The following PTPRF variants were observed in gnomAD, a reference collection of about 807,000 sequenced individuals.
PTPRF encodes the protein protein tyrosine phosphatase receptor type F.
In PTPRF, 59 loss-of-function variants were observed where a neutral mutation model predicts 201.8. The observed-to-expected ratio is 0.29, with a 90% CI of 0.24 to 0.36. PTPRF has a LOEUF of 0.36. Among genes scored for constraint, PTPRF ranks in the 10% least tolerant of loss-of-function variants. The probability of loss-of-function intolerance (pLI) is 1.00; values close to 1 mark genes in which losing one functional copy is unlikely to be tolerated. For synonymous variants in PTPRF, 1,088 were observed against 1,089.7 expected, an observed-to-expected ratio of 1.00 and a Z score of 0.03; for missense variants, 2,132 against 2,690.5, an observed-to-expected ratio of 0.79 and a Z score of 4.59.
rs755497552 is a variant in PTPRF at position 43,605,176 on chromosome 1, C to T, written c.3136-14C>T. On this transcript the variant is annotated splice_polypyrimidine_tract_variant and intron_variant, in intron 17 of 33. Transcript: ENST00000359947. ...TCACCCAAAGGCATTGATTGCCCCTCCCGTCCCCCACAGATTCTGTACAAT... is the reference window on the plus strand; with the variant it reads ...TCACCCAAAGGCATTGATTGCCCCTTCCGTCCCCCACAGATTCTGTACAAT... 2 of 1,586,126 alleles carry T rather than the reference C, an allele frequency of 1.3e-6. No homozygotes were observed. Among genetic ancestry groups the T allele is most frequent in the Admixed American group, 3.4e-5 (2 of 59,182 alleles).
intron 6 of PTPRF, among the ~76,000 whole-genome samples, chr1:43,572,763 C>G (rs1363721090): frequency 6.6e-6 from 1 of 152,176 alleles, no homozygotes; most frequent in African/African-American, 2.4e-5. Context: ...TGAAGTAGGA[C>G]AGGCTGTGAT....
At chr1:43,606,545 A>G (rs929015954) in intron 20 of PTPRF, 87 bp downstream of exon 20, 2 of 1,319,574 alleles carry the variant, frequency 1.5e-6, no homozygotes, top group Non-Finnish European at 2.1e-6. Flanking sequence ...ACAAGACCCC[A>G]GGTCTTTATC....
chr1:43,597,570 G>A (rs1652656493), intron 11 of PTPRF, among the ~76,000 whole-genome samples, 178 bp from the exon 12 acceptor site: 1 of 152,122 alleles, frequency 6.6e-6, no homozygotes, highest in South Asian at 2.1e-4. Flanking sequence ...CAGGTCAGAG[G>A]GAGTCAGGTG....
At chr1:43,558,910 G>A (rs985945868) in intron 5 of PTPRF, among the ~76,000 whole-genome samples, 1 of 152,206 alleles carries the variant, frequency 6.6e-6, no homozygotes, top group African/African-American at 2.4e-5. Context: ...AAGCCCAGGA[G>A]GCCGCCAGAC....
intron 21 of PTPRF, among the ~76,000 whole-genome samples, chr1:43,609,118 C>T (rs988015107): frequency 6.6e-6 from 1 of 152,170 alleles, no homozygotes; most frequent in Non-Finnish European, 1.5e-5. Flanking sequence ...AGGAGCTGCT[C>T]GCCCCTGCAA....
At chr1:43,610,238 G>T (rs573115823) in intron 22 of PTPRF, among the ~76,000 whole-genome samples, 8 of 152,292 alleles carry the variant, frequency 5.3e-5, no homozygotes, top group African/African-American at 1.7e-4. Flanking sequence ...TGTATTCAGC[G>T]CACGATGGGT....
intron 23 of PTPRF, 50 bp downstream of exon 23, chr1:43,613,765 C>T (rs1390815549): frequency 6.7e-7 from 1 of 1,496,894 alleles, no homozygotes; most frequent in Admixed American, 1.7e-5. Context: ...CCTACCCAAA[C>T]CAGCTCCTGT....
intron 3 of PTPRF, among the ~76,000 whole-genome samples, chr1:43,552,551 G>C (rs1316198686): frequency 6.6e-6 from 1 of 152,218 alleles, no homozygotes; most frequent in East Asian, 1.9e-4. Context: ...GACCAAACAG[G>C]TGGTCTGAAA....
intron 8 of PTPRF, 109 bp from the exon 9 acceptor site, chr1:43,590,863 A>C: frequency 9.7e-7 from 1 of 1,030,222 alleles, no homozygotes; most frequent in Non-Finnish European, 1.4e-6. Flanking sequence ...TGTGGGTATC[A>C]GCCACACTCA....
At chr1:43,605,692 G>C in intron 19 of PTPRF, 70 bp downstream of exon 19, 2 of 1,430,314 alleles carry the variant, frequency 1.4e-6, no homozygotes, top group Non-Finnish European at 2.0e-6. Flanking sequence ...CCTGCCCTGA[G>C]CACTGTCCCA....
Position 43,617,657 on chromosome 1 carries a change from C to T in PTPRF, c.4196-79C>T, listed in dbSNP as rs1658196547. 3.1e-6 allele frequency: 5 copies of T among 1,602,068 alleles called. No homozygotes were observed. In the East Asian group the frequency reaches 1.1e-4, roughly 36 times the overall value. ...CATTCTACAGAGGATGTCCACGAGTCTCAGGGGTGCACTGAGGCATGGTGG... is the reference window on the plus strand; with the variant it reads ...CATTCTACAGAGGATGTCCACGAGTTTCAGGGGTGCACTGAGGCATGGTGG... On this transcript the variant is annotated intron_variant, in intron 24 of 33. Transcript: ENST00000359947.
intron 5 of PTPRF, among the ~76,000 whole-genome samples, chr1:43,568,607 G>A (rs1287438911): frequency 1.3e-5 from 2 of 152,226 alleles, no homozygotes; most frequent in African/African-American, 2.4e-5. Flanking sequence ...AAGCTAGTTC[G>A]TGGTGAACGT....
intron 23 of PTPRF, among the ~76,000 whole-genome samples, chr1:43,614,248 G>C (rs925216662): frequency 6.6e-6 from 1 of 152,178 alleles, no homozygotes; most frequent in Non-Finnish European, 1.5e-5. Flanking sequence ...ATGAGTAGTG[G>C]AGCCAGGATT....
chr1:43,555,314 A>ATG (rs1645288364), intron 5 of PTPRF, among the ~76,000 whole-genome samples: 1 of 132,782 alleles, frequency 7.5e-6, no homozygotes, highest in African/African-American at 3.3e-5. Context: ...GCATACATAT[A>ATG]TATGTGTGTG....
At chr1:43,606,027 C>A (rs1165580490) in intron 19 of PTPRF, among the ~76,000 whole-genome samples, 1 of 152,208 alleles carries the variant, frequency 6.6e-6, no homozygotes, top group Non-Finnish European at 1.5e-5. Context: ...GGTGGGGCAG[C>A]TTACACACAG....
intron 29 of PTPRF, 118 bp downstream of exon 29, chr1:43,619,976 C>T: frequency 6.4e-7 from 1 of 1,561,698 alleles, no homozygotes; most frequent in Non-Finnish European, 8.7e-7. Flanking sequence ...CTGGGTAGAG[C>T]AGTGAGGACT....
intron 3 of PTPRF, among the ~76,000 whole-genome samples, chr1:43,548,782 C>T (rs1272637997): frequency 5.3e-5 from 8 of 152,222 alleles, no homozygotes; most frequent in African/African-American, 1.7e-4. Flanking sequence ...TCTGTCTCTC[C>T]AGAAGCTCCC....
rs549106893 is a variant in PTPRF, at chr1:43,606,891, G to A, written c.3780G>A (p.Glu1260=). The part of the protein sequence containing the change: ...VTPAQQQEEP[E]MLWVTGPVLA... ...CAGCCCAGCAGCAGGAGGAGCCGGAGATGCTGTGGGTGACGGGTCCCGTGC... is the reference window on the plus strand; with the variant it reads ...CAGCCCAGCAGCAGGAGGAGCCGGAAATGCTGTGGGTGACGGGTCCCGTGC... Residue 1260 remains glutamate (E), a synonymous_variant, in exon 21 of 34, where the codon GAG becomes GAA. Coordinates refer to ENST00000359947, the MANE Select transcript of PTPRF (RefSeq NM_002840.5). The A allele has an allele frequency of 3.1e-6, 5 of 1,614,206 alleles. No homozygotes were observed. In the Admixed American group the frequency reaches 8.3e-5, roughly 27 times the overall value.
Position 43,592,591 on chromosome 1 carries a change from A to G in PTPRF, c.1803A>G (p.Thr601=). 6.3e-7 allele frequency: 1 copy of G among 1,599,598 alleles called. No individual in the cohort carries two copies. The highest frequency in any genetic ancestry group is 8.5e-7 in the Non-Finnish European group (1 of 1,173,058). The part of the protein sequence containing the change: ...GVFTPTIEAR[T]AQSTPSAPPQ... ...TCACCCCCACCATTGAGGCCCGCAC[A>G]GCCCAGTCCAGTAAGTGTCTCCCAA... The change falls in exon 11 of 34, where the codon ACA becomes ACG. Residue 601 remains threonine, a synonymous_variant. Transcript: ENST00000359947.
Sources: gnomAD v4.1 joint callset for allele counts (sites outside exome capture counted in the v4.1 genomes callset) on GRCh38, gnomAD v4.1.1 for gene constraint, MANE v1.5 for transcripts, NCBI Gene and HGNC (gene_info 2026-07-23, HGNC 2026-07-21) for gene names.